The following APELA variants were observed in gnomAD, a reference collection of about 807,000 sequenced individuals.
The protein encoded by APELA is apelin receptor early endogenous ligand.
chr4:164,898,437 G>C (rs1005779576), downstream of APELA, among the ~76,000 whole-genome samples: 1 of 151,244 alleles, frequency 6.6e-6, no homozygotes, highest in Non-Finnish European at 1.5e-5. Flanking sequence ...GGGAGGAAGA[G>C]GTTGCAGTGA....
In APELA at chr4:164,897,301, C is replaced by T. The variant is rs912794838; in HGVS notation, c.*1887C>T. On this transcript the variant is annotated 3_prime_UTR_variant, in exon 3 of 3. Transcript: ENST00000507152. ...AAGTGCATTTGAGTAGAAGCATAAC[C>T]TATTCTCAGTTATATTTATGTTTAA... is the stretch of plus-strand genomic sequence containing the variant. 2.0e-5 allele frequency: 3 copies of T among 152,216 alleles called. No homozygotes were observed. The East Asian group carries it at 5.8e-4, about 29-fold the overall frequency. 9.4% of individuals were successfully genotyped at this position (152,216 alleles called of 1,614,324 possible). A position where few individuals can be genotyped will look rare whatever the true frequency, so the allele number is the denominator to read the frequency against.
At chr4:164,890,153 C>T (rs866301060) in intron 2 of APELA, among the ~76,000 whole-genome samples, 1 of 152,144 alleles carries the variant, frequency 6.6e-6, no homozygotes, top group South Asian at 2.1e-4. Flanking sequence ...CAGTGAATGG[C>T]ATGCATACGT....
At chr4:164,884,202 G>A (rs541363488) in intron 2 of APELA, among the ~76,000 whole-genome samples, 1 of 151,324 alleles carries the variant, frequency 6.6e-6, no homozygotes, top group East Asian at 1.9e-4. Flanking sequence ...AAAGAGAGAG[G>A]GAAAGAAGAA....
intron 2 of APELA, among the ~76,000 whole-genome samples, chr4:164,890,036 G>A (rs185847308): frequency 6.6e-6 from 1 of 152,168 alleles, no homozygotes; most frequent in Admixed American, 6.5e-5. Flanking sequence ...GGATACTGAG[G>A]GATGATTGCA....
chr4:164,890,588 C>T (rs1471094039), intron 2 of APELA, among the ~76,000 whole-genome samples: 6 of 152,198 alleles, frequency 3.9e-5, no homozygotes, highest in African/African-American at 1.2e-4. Flanking sequence ...CTCTAATTTA[C>T]GACTGAATAC....
At chr4:164,877,522 A>G in intron 1 of APELA, 115 bp downstream of exon 1, 1 of 397,088 alleles carries the variant, frequency 2.5e-6, no homozygotes, top group Non-Finnish European at 4.4e-6. Flanking sequence ...AGTTAGTAGT[A>G]TTGGGGATAA....
rs988947411 is a variant in APELA at position 164,877,402 on chromosome 4, G to C, written c.71G>C (p.Arg24Thr). The change falls in exon 1 of 3, where the codon AGA becomes ACA. Residue 24 changes from arginine (R) to threonine (T), a missense_variant. Arg to Thr is a moderately conservative substitution (Grantham distance 71, BLOSUM62 -1). Transcript: ENST00000507152. ...IMSLLLISGQ[R>T]PVNLTMRRKL... is the part of the protein sequence containing the mutation. ...AGTCTTCTCCTTATCAGCGGACAGA[G>C]ACCAGGTAGGCCTTTGATACATTTG... 2.5e-6 allele frequency: 1 copy of C among 398,836 alleles called. No homozygotes were observed. The highest frequency in any genetic ancestry group is 4.4e-6 in the Non-Finnish European group (1 of 226,042). The allele number at this position is 398,836 out of a possible 1,614,324, so 24.7% of individuals were successfully genotyped here. A position where few individuals can be genotyped will look rare whatever the true frequency, so the allele number is the denominator to read the frequency against.
chr4:164,882,580 T>TTAG (rs1730674024), intron 2 of APELA, among the ~76,000 whole-genome samples: 1 of 147,870 alleles, frequency 6.8e-6, no homozygotes, highest in South Asian at 2.1e-4. Flanking sequence ...TTTTAATACA[T>TTAG]TATTATTATT....
intron 2 of APELA, among the ~76,000 whole-genome samples, chr4:164,891,511 C>G (rs1314029564): frequency 2.6e-5 from 4 of 152,046 alleles, no homozygotes; most frequent in Non-Finnish European, 4.4e-5. Flanking sequence ...GTTTGTACTT[C>G]CTTTGTTAAA....
intron 2 of APELA, among the ~76,000 whole-genome samples, chr4:164,879,803 T>C (rs557294327): frequency 1.3e-5 from 2 of 152,342 alleles, no homozygotes; most frequent in East Asian, 3.9e-4. Flanking sequence ...AAATATTTCT[T>C]TTAATAGATA....
intron 2 of APELA, among the ~76,000 whole-genome samples, chr4:164,880,751 A>G (rs1730640346): frequency 6.6e-6 from 1 of 152,224 alleles, no homozygotes; most frequent in Non-Finnish European, 1.5e-5. Flanking sequence ...ATCACATACC[A>G]TAAAAACCAG....
intron 2 of APELA, among the ~76,000 whole-genome samples, chr4:164,881,372 C>T (rs1730649971): frequency 6.6e-6 from 1 of 152,068 alleles, no homozygotes; most frequent in Non-Finnish European, 1.5e-5. Flanking sequence ...CAGATTAACC[C>T]TTTATTAGAG....
At chr4:164,881,670 C>T (rs1046068211) in intron 2 of APELA, among the ~76,000 whole-genome samples, 6 of 151,998 alleles carry the variant, frequency 3.9e-5, no homozygotes, top group African/African-American at 9.6e-5. Context: ...AATGAGGTCG[C>T]GACTTAAGGC....
chr4:164,883,290 T>A (rs548759511), intron 2 of APELA, among the ~76,000 whole-genome samples: 1 of 152,136 alleles, frequency 6.6e-6, no homozygotes, highest in Non-Finnish European at 1.5e-5. Flanking sequence ...CATATTCCTA[T>A]TCAACTATTA....
intron 2 of APELA, among the ~76,000 whole-genome samples, chr4:164,885,004 T>C (rs1016026834): frequency 6.6e-6 from 1 of 152,182 alleles, no homozygotes; most frequent in Non-Finnish European, 1.5e-5. Flanking sequence ...TTAGAAAGTG[T>C]TAACTGACTA....
chr4:164,883,100 T>C (rs1197792709), intron 2 of APELA, among the ~76,000 whole-genome samples: 1 of 152,168 alleles, frequency 6.6e-6, no homozygotes, highest in Non-Finnish European at 1.5e-5. Flanking sequence ...TAACCAAACC[T>C]GCCCTGCTTC....
chr4:164,889,212 G>A lies in APELA; in HGVS notation c.*2-6204G>A, dbSNP rs560364590. Among the ~76,000 whole-genome samples the A allele has an allele frequency of 1.2e-4, 18 of 152,112 alleles. No individual in the cohort carries two copies. In the East Asian group the frequency reaches 3.1e-3, roughly 26 times the overall value. ...GGATGAGGGTGGGGGATATGTGGGG[G>A]CTTGGAGTTCTTTAGGTATCACATT... On this transcript the variant is annotated intron_variant, in intron 2 of 2. Coordinates refer to ENST00000507152, the MANE Select transcript of APELA (RefSeq NM_001297550.2).
intron 2 of APELA, among the ~76,000 whole-genome samples, chr4:164,885,514 G>A (rs542198778): frequency 1.4e-3 from 214 of 151,950 alleles, no homozygotes; most frequent in African/African-American, 4.5e-3. Flanking sequence ...GTCAAGGTGG[G>A]CAGATCGCTT....
intron 2 of APELA, among the ~76,000 whole-genome samples, chr4:164,893,079 G>T (rs1232647731): frequency 6.6e-6 from 1 of 151,902 alleles, no homozygotes; most frequent in Non-Finnish European, 1.5e-5. Context: ...TTTTGCTATG[G>T]TTTTTCCATT....
Sources: gnomAD v4.1 joint callset for allele counts (sites outside exome capture counted in the v4.1 genomes callset) on GRCh38, gnomAD v4.1.1 for gene constraint, MANE v1.5 for transcripts, NCBI Gene and HGNC (gene_info 2026-07-23, HGNC 2026-07-21) for gene names.